The following SCAPER variants were observed in gnomAD, a reference collection of about 807,000 sequenced individuals.
The protein encoded by SCAPER is S-phase cyclin A associated protein in the ER.
A neutral mutation model predicts 182.2 loss-of-function variants in SCAPER; 98 were observed. The observed-to-expected ratio is 0.54, with a 90% confidence interval of 0.46 to 0.64. The LOEUF is 0.64. Ranked by LOEUF, SCAPER falls within the 30% of genes least tolerant of loss-of-function variation. SCAPER has a pLI of 0.00. For synonymous variants in SCAPER, 605 were observed against 564.6 expected, an observed-to-expected ratio of 1.07 and a Z score of -1.01; for missense variants, 1,432 against 1,690.0, an observed-to-expected ratio of 0.85 and a Z score of 2.68.
At chr15:76,781,327 C>T (rs146489755) in intron 8 of SCAPER, among the ~76,000 whole-genome samples, 51 of 152,018 alleles carry the variant, frequency 3.4e-4, no homozygotes, top group African/African-American at 1.1e-3. Context: ...AAGGAGAAGA[C>T]AAGATTAGAG....
chr15:76,619,606 T>C (rs1384859173), intron 22 of SCAPER, among the ~76,000 whole-genome samples: 4 of 152,214 alleles, frequency 2.6e-5, no homozygotes, highest in African/African-American at 9.6e-5. Flanking sequence ...ATTATTATTA[T>C]ACTTTAAGTT....
rs1028573416 is a variant in SCAPER, at chr15:76,568,187, A to T, written c.2838+5971T>A. ...ACAAGTACCTCACATGTCATGGATC[A>T]AGCATATATATATATATATATATAT... On this transcript the variant is annotated intron_variant, in intron 23 of 31. Transcript: ENST00000563290. Among the ~76,000 whole-genome samples, 6 of 111,480 alleles carry T rather than the reference A, an allele frequency of 5.4e-5. No homozygotes were observed. The South Asian group carries it at 2.3e-3, about 43-fold the overall frequency. The allele number at this position is 111,480 out of a possible 152,430, so 73.1% of individuals were successfully genotyped here. A position where few individuals can be genotyped will look rare whatever the true frequency, so the allele number is the denominator to read the frequency against.
At chr15:76,367,550 C>T (rs949729542) in intron 29 of SCAPER, among the ~76,000 whole-genome samples, 1 of 152,176 alleles carries the variant, frequency 6.6e-6, no homozygotes, top group Non-Finnish European at 1.5e-5. Context: ...ACACTCCTGA[C>T]CTGGCAGCAG....
At chr15:76,798,463 G>A (rs2065501283) in intron 7 of SCAPER, among the ~76,000 whole-genome samples, 1 of 151,136 alleles carries the variant, frequency 6.6e-6, no homozygotes, top group Admixed American at 6.6e-5. Context: ...TTTCAAAGGA[G>A]AGAAGAGAGA....
intron 1 of SCAPER, among the ~76,000 whole-genome samples, chr15:76,898,562 A>C (rs2074558398): frequency 6.6e-6 from 1 of 152,258 alleles, no homozygotes; most frequent in Non-Finnish European, 1.5e-5. Flanking sequence ...TCATCCATAA[A>C]AAGGAATGAA....
intron 21 of SCAPER, among the ~76,000 whole-genome samples, chr15:76,639,775 T>C (rs539653609): frequency 6.6e-6 from 1 of 151,936 alleles, no homozygotes; most frequent in Non-Finnish European, 1.5e-5. Context: ...ATACTATCTT[T>C]ATGGAGTCCA....
At chr15:76,834,379 G>A (rs1434397414) in intron 5 of SCAPER, among the ~76,000 whole-genome samples, 1 of 152,128 alleles carries the variant, frequency 6.6e-6, no homozygotes, top group Non-Finnish European at 1.5e-5. Context: ...AGCACTAAAT[G>A]CATACATCAA....
chr15:76,674,851 T>C (rs2057271609), intron 20 of SCAPER, among the ~76,000 whole-genome samples: 1 of 151,914 alleles, frequency 6.6e-6, no homozygotes, highest in Admixed American at 6.5e-5. Context: ...TATTTATATG[T>C]ATACATTGGC....
chr15:76,854,442 G>A (rs1330382652), intron 4 of SCAPER, among the ~76,000 whole-genome samples: 1 of 152,012 alleles, frequency 6.6e-6, no homozygotes, highest in Non-Finnish European at 1.5e-5. Context: ...ACAAAACACT[G>A]CTCAAAGAAA....
chr15:76,855,331 C>T (rs181225193), intron 4 of SCAPER, among the ~76,000 whole-genome samples: 1 of 151,766 alleles, frequency 6.6e-6, no homozygotes, highest in Non-Finnish European at 1.5e-5. Context: ...TCCTGGAAGA[C>T]AACTGGCAAT....
intron 2 of SCAPER, among the ~76,000 whole-genome samples, chr15:76,875,999 G>A (rs114203664): frequency 0.012 from 1,861 of 152,322 alleles, 33 homozygotes; most frequent in African/African-American, 0.042. Flanking sequence ...AAGGCCCAGC[G>A]AGAAATCGAG....
chr15:76,741,951 G>GAC (rs2151116039), intron 15 of SCAPER, among the ~76,000 whole-genome samples: 1 of 152,184 alleles, frequency 6.6e-6, no homozygotes, highest in Admixed American at 6.5e-5. Context: ...TGAAGCAATG[G>GAC]TAGTGACTGT....
intron 21 of SCAPER, among the ~76,000 whole-genome samples, chr15:76,657,204 G>A (rs1251068801): frequency 6.6e-6 from 1 of 152,054 alleles, no homozygotes; most frequent in African/African-American, 2.4e-5. Context: ...AATCAGAAAT[G>A]CCTAAGGGAA....
chr15:76,896,360 C>T (rs1009067119), intron 1 of SCAPER, among the ~76,000 whole-genome samples: 2 of 151,804 alleles, frequency 1.3e-5, no homozygotes, highest in African/African-American at 2.4e-5. Flanking sequence ...GACAGAATGA[C>T]ATCCTGTCTT....
At chr15:76,666,964 T>C (rs1043548428) in intron 20 of SCAPER, among the ~76,000 whole-genome samples, 6 of 152,206 alleles carry the variant, frequency 3.9e-5, no homozygotes, top group African/African-American at 1.4e-4. Flanking sequence ...TTATTTCTCC[T>C]CTTATCTACA....
intron 2 of SCAPER, among the ~76,000 whole-genome samples, chr15:76,863,673 C>G (rs2151889718): frequency 6.6e-6 from 1 of 152,072 alleles, no homozygotes; most frequent in Admixed American, 6.6e-5. Context: ...CTCCCTTGGC[C>G]CCAGAAAACC....
intron 17 of SCAPER, among the ~76,000 whole-genome samples, chr15:76,706,317 G>A (rs371241549): frequency 3.3e-5 from 5 of 151,800 alleles, no homozygotes; most frequent in African/African-American, 1.2e-4. Context: ...GAATAGAAAA[G>A]GCATAAACTC....
rs1247265605 is a variant in SCAPER, at chr15:76,857,865, G to C, written c.139C>G (p.Gln47Glu). ...GTCCTCTTAGATTTTCCACCAGTTT[G>C]ACATTTAGGTTTTCCTTCAAGGCAA... ...SKDDDGKPKC[Q>E]TGGKSKRTIQ... The change falls in exon 4 of 32, where the codon CAA (glutamine) becomes GAA (glutamate). Residue 47 changes from glutamine to glutamate, a missense_variant. Gln to Glu is a conservative substitution (Grantham distance 29). Coordinates refer to ENST00000563290, the MANE Select transcript of SCAPER (RefSeq NM_020843.4). The C allele has an allele frequency of 1.9e-6, 3 of 1,545,754 alleles. No individual in the cohort carries two copies. Among genetic ancestry groups the C allele is most frequent in the South Asian group, 2.4e-5 (2 of 83,070 alleles).
chr15:76,561,780 G>A (rs2046648809), intron 23 of SCAPER, among the ~76,000 whole-genome samples: 1 of 151,348 alleles, frequency 6.6e-6, no homozygotes, highest in Admixed American at 6.6e-5. Flanking sequence ...CTCAATCTCG[G>A]CTCACTGAAA....
Sources: allele counts gnomAD v4.1 joint callset (sites outside exome capture counted in the v4.1 genomes callset), GRCh38; gene constraint gnomAD v4.1.1; transcripts MANE v1.5; gene names NCBI Gene and HGNC (gene_info 2026-07-23, HGNC 2026-07-21).